Variants in FAAH2 observed in about 807,000 individuals in gnomAD.
The protein encoded by FAAH2 is fatty-acid amide hydrolase 2.
In FAAH2, 60 loss-of-function variants were observed where a neutral mutation model predicts 36.9. That is an observed-to-expected ratio of 1.63 (90% CI 1.32 to 2.02). The LOEUF is 2.02. Ranked by LOEUF, FAAH2 falls within the 30% of genes most tolerant of loss-of-function variation. FAAH2 has a pLI of 0.00. For synonymous variants in FAAH2, 214 were observed against 143.8 expected (o/e 1.49, Z -3.49); for missense variants, 689 against 397.5 (o/e 1.73, Z -6.23).
At chrX:57,417,147 GC>G (rs1298242133) in intron 7 of FAAH2, among the ~76,000 whole-genome samples, 1 of 111,386 alleles carries the variant, frequency 9.0e-6, no homozygotes, top group Non-Finnish European at 1.9e-5. Context: ...AAGGTTCTTA[GC>G]TTTTTTTGCA....
the FAAH2 span, among the ~76,000 whole-genome samples, chrX:57,154,291 G>A: frequency 4.2e-5 from 4 of 95,597 alleles, no homozygotes; most frequent in Admixed American, 4.9e-4. Flanking sequence ...TTTTGACACA[G>A]TCTCACTTTG....
intron 10 of FAAH2, among the ~76,000 whole-genome samples, chrX:57,478,464 CT>C (rs2057314426): frequency 2.7e-5 from 3 of 111,432 alleles, no homozygotes; most frequent in Middle Eastern, 4.6e-3. Flanking sequence ...ATTGCAGTTT[CT>C]TTTGCTAAAG....
chrX:57,129,929 A>AT, the FAAH2 span, among the ~76,000 whole-genome samples: 1 of 112,352 alleles, frequency 8.9e-6, no homozygotes, highest in Non-Finnish European at 1.9e-5. Flanking sequence ...ATTTGCTATG[A>AT]TTTTGTAGTG....
chrX:57,166,655 G>A, the FAAH2 span, among the ~76,000 whole-genome samples: 4 of 112,386 alleles, frequency 3.6e-5, no homozygotes, highest in Non-Finnish European at 7.5e-5. Context: ...CACTGGGCTA[G>A]CATTTCACTT....
chrX:57,344,737 C>A (rs921443051), intron 5 of FAAH2, among the ~76,000 whole-genome samples: 3 of 111,047 alleles, frequency 2.7e-5, no homozygotes, highest in Admixed American at 1.9e-4. Flanking sequence ...ATAATTAGCT[C>A]TTATTATTTT....
chrX:57,244,155 G>T, the FAAH2 span, among the ~76,000 whole-genome samples: 1 of 108,216 alleles, frequency 9.2e-6, no homozygotes, highest in Non-Finnish European at 1.9e-5. Flanking sequence ...CGAGGTTGAA[G>T]ATCATCATAA....
At chrX:57,159,913 T>G in the FAAH2 span, among the ~76,000 whole-genome samples, 255 of 111,757 alleles carry the variant, frequency 2.3e-3, 1 homozygote, top group African/African-American at 4.7e-3. Context: ...CCTGTCTTGT[T>G]CCAGTTTTCA....
At chrX:57,473,065 C>A (rs1195930754) in intron 10 of FAAH2, among the ~76,000 whole-genome samples, 3 of 110,837 alleles carry the variant, frequency 2.7e-5, no homozygotes, top group African/African-American at 9.8e-5. Context: ...TTCTTTTCTT[C>A]TGCTAGCTTT....
chrX:57,319,633 C>A (rs907989119), intron 3 of FAAH2, among the ~76,000 whole-genome samples: 2 of 111,963 alleles, frequency 1.8e-5, no homozygotes, highest in Non-Finnish European at 3.8e-5. Context: ...CCCCATTGAA[C>A]TGCAATTGAC....
chrX:57,455,653 A>G (rs992577767), intron 10 of FAAH2, among the ~76,000 whole-genome samples: 4 of 112,062 alleles, frequency 3.6e-5, no homozygotes, highest in African/African-American at 1.3e-4. Context: ...AGGAGTCATT[A>G]TTCTTACATT....
At chrX:57,365,183 T>C (rs2054384059) in intron 5 of FAAH2, among the ~76,000 whole-genome samples, 1 of 112,137 alleles carries the variant, frequency 8.9e-6, no homozygotes, top group African/African-American at 3.2e-5. Flanking sequence ...CATGTTTTTG[T>C]GGCTGCAGGT....
intron 10 of FAAH2, among the ~76,000 whole-genome samples, chrX:57,453,670 C>T (rs1283796300): frequency 8.9e-6 from 1 of 112,158 alleles, no homozygotes; most frequent in African/African-American, 3.2e-5. Flanking sequence ...TCTGATAGAG[C>T]TTCCAGCCCA....
Position 57,378,527 on chromosome X carries a change from GA to G in FAAH2, c.743-122del, listed in dbSNP as rs2054746530. ...GTGAAACTACTGCAATGAGATATAA[GA>G]AGACCTGAAAAGTTTTAACCAGGAG... On this transcript the variant is annotated intron_variant, in intron 5 of 10. Transcript: ENST00000374900. 6 of 858,482 alleles carry G rather than the reference GA, an allele frequency of 7.0e-6. No individual in the cohort carries two copies. In the South Asian group the frequency reaches 1.6e-4, roughly 23 times the overall value. The allele number at this position is 858,482 out of a possible 1,213,427, so 70.7% of individuals were successfully genotyped here.
chrX:57,260,743 A>ATGTG, the FAAH2 span, among the ~76,000 whole-genome samples: 99 of 109,748 alleles, frequency 9.0e-4, no homozygotes, highest in African/African-American at 3.2e-3. Flanking sequence ...ATCAAAGGAT[A>ATGTG]TGTGTGTGTG....
the FAAH2 span, chrX:57,137,231 C>A: frequency 1.3e-4 from 98 of 759,208 alleles, no homozygotes; most frequent in Non-Finnish European, 1.5e-4. Context: ...CGCCGGGGAT[C>A]GCGGGCCTCA....
At chrX:57,323,567 C>T (rs754488136) in intron 3 of FAAH2, among the ~76,000 whole-genome samples, 2 of 111,489 alleles carry the variant, frequency 1.8e-5, no homozygotes, top group East Asian at 5.6e-4. Context: ...TTTTGATTTG[C>T]ATTTCTCTGA....
chrX:57,211,007 CA>C, the FAAH2 span, among the ~76,000 whole-genome samples: 1 of 111,964 alleles, frequency 8.9e-6, no homozygotes, highest in South Asian at 3.7e-4. Context: ...TAATAGTCCT[CA>C]AAATTAGATC....
chrX:57,336,606 C>T (rs1289116547), intron 4 of FAAH2, among the ~76,000 whole-genome samples: 1 of 111,809 alleles, frequency 8.9e-6, no homozygotes, highest in Non-Finnish European at 1.9e-5. Context: ...CACACAACTA[C>T]GGGGAAATCA....
chrX:57,338,182 G>T (rs2053601405), intron 4 of FAAH2, among the ~76,000 whole-genome samples: 1 of 111,482 alleles, frequency 9.0e-6, no homozygotes, highest in Non-Finnish European at 1.9e-5. Context: ...GGAGATAGGT[G>T]TGGGGCCATT....
Sources: gnomAD v4.1 joint callset for allele counts (sites outside exome capture counted in the v4.1 genomes callset) on GRCh38, gnomAD v4.1.1 for gene constraint, MANE v1.5 for transcripts, NCBI Gene and HGNC (gene_info 2026-07-23, HGNC 2026-07-21) for gene names.